The following ABCA13 variants were observed in gnomAD, a reference collection of about 807,000 sequenced individuals.
ABCA13 encodes the protein ATP-binding cassette sub-family A member 13.
In ABCA13, 476 loss-of-function variants were observed where a neutral mutation model predicts 478.7. That is an observed-to-expected ratio of 0.99 (90% CI 0.92 to 1.07). ABCA13 has a LOEUF of 1.07. Ranked by LOEUF, ABCA13 falls within the 50% of genes least tolerant of loss-of-function variation. The pLI is 0.00. For missense variants in ABCA13, 6,060 were observed against 5,910.6 expected (o/e 1.03, Z -0.83); for synonymous variants, 2,252 against 2,158.9 (o/e 1.04, Z -1.20).
chr7:48,278,508 C>A lies in ABCA13; in HGVS notation c.7314C>A (p.Phe2438Leu). Reference protein sequence around the residue: ...DTILHSPNKDFYALYPTLQEV... With the variant: ...DTILHSPNKDLYALYPTLQEV... ...TTTTACACTCTCCTAATAAGGACTT[C>A]TATGCTTTGTATCCTACCCTCCAAG... The change falls in exon 18 of 62, where the codon TTC becomes TTA. Residue 2438 changes from phenylalanine (F) to leucine (L), a missense_variant. Physicochemically the swap from Phe to Leu is conservative, Grantham distance 22. Transcript: ENST00000435803. 1 of 1,613,940 alleles carries A rather than the reference C, an allele frequency of 6.2e-7. No individual in the cohort carries two copies. Among genetic ancestry groups the A allele is most frequent in the Non-Finnish European group, 8.5e-7 (1 of 1,179,858 alleles).
intron 57 of ABCA13, among the ~76,000 whole-genome samples, chr7:48,593,677 T>C (rs1015956025): frequency 3.9e-5 from 6 of 151,994 alleles, no homozygotes; most frequent in Non-Finnish European, 8.8e-5. Flanking sequence ...ATTTTTTTTT[T>C]ATAAGACAGG....
intron 29 of ABCA13, among the ~76,000 whole-genome samples, chr7:48,349,606 T>C (rs891680164): frequency 6.6e-6 from 1 of 152,154 alleles, no homozygotes; most frequent in Non-Finnish European, 1.5e-5. Flanking sequence ...AAACCCAGAC[T>C]TAATCCAGAA....
intron 1 of ABCA13, among the ~76,000 whole-genome samples, chr7:48,189,056 C>T (rs1171817396): frequency 6.6e-6 from 1 of 152,036 alleles, no homozygotes; most frequent in Admixed American, 6.6e-5. Context: ...GGTTATTTTT[C>T]TTGAGAGGAG....
intron 48 of ABCA13, among the ~76,000 whole-genome samples, chr7:48,499,932 C>T (rs996578165): frequency 9.9e-5 from 15 of 152,258 alleles, no homozygotes; most frequent in African/African-American, 3.6e-4. Flanking sequence ...CAGAGATTGT[C>T]CATTGCAATA....
At chr7:48,462,752 G>C (rs1226924344) in intron 43 of ABCA13, among the ~76,000 whole-genome samples, 1 of 152,082 alleles carries the variant, frequency 6.6e-6, no homozygotes, top group Non-Finnish European at 1.5e-5. Context: ...TAGGTTATCT[G>C]CCGGCCTTGG....
At chr7:48,236,705 A>G (rs750623827) in intron 8 of ABCA13, among the ~76,000 whole-genome samples, 1 of 152,224 alleles carries the variant, frequency 6.6e-6, no homozygotes, top group African/African-American at 2.4e-5. Context: ...ATAATCGCCC[A>G]TCTCAAAGCC....
chr7:48,509,729 T>C (rs924327209), intron 50 of ABCA13, among the ~76,000 whole-genome samples: 3 of 152,212 alleles, frequency 2.0e-5, no homozygotes, highest in African/African-American at 7.2e-5. Flanking sequence ...GGTCCAAGGT[T>C]GCTATAGACT....
chr7:48,389,797 A>G, intron 37 of ABCA13, among the ~76,000 whole-genome samples: 1 of 152,260 alleles, frequency 6.6e-6, no homozygotes, highest in East Asian at 1.9e-4. Flanking sequence ...GGCTGGCTGT[A>G]GAAGTGGAGG....
Position 48,372,419 on chromosome 7 carries a change from G to A in ABCA13, c.11055G>A (p.Val3685=), listed in dbSNP as rs1812773836. ...CAGCGGCCCTTTGTACCAGCCTGGT[G>A]TACATGATCAGCTTTCTGCCCTACA... is the stretch of plus-strand genomic sequence containing the variant. ...ANTAALCTSL[V]YMISFLPYIV... Residue 3685 remains valine (V), a synonymous_variant, in exon 33 of 62, where the codon GTG becomes GTA. Coordinates refer to ENST00000435803, the MANE Select transcript of ABCA13 (RefSeq NM_152701.5). 1 of 1,612,918 alleles carries A rather than the reference G, an allele frequency of 6.2e-7. No homozygotes were observed. Among genetic ancestry groups the A allele is most frequent in the African/African-American group, 1.3e-5 (1 of 74,654 alleles).
intron 38 of ABCA13, among the ~76,000 whole-genome samples, chr7:48,402,695 C>G (rs2129073350): frequency 6.6e-6 from 1 of 152,300 alleles, no homozygotes; most frequent in East Asian, 1.9e-4. Context: ...CAATTCTTTG[C>G]TTGGAATTCT....
chr7:48,388,285 T>G (rs1815495356), intron 36 of ABCA13, among the ~76,000 whole-genome samples: 1 of 152,352 alleles, frequency 6.6e-6, no homozygotes, highest in African/African-American at 2.4e-5. Context: ...TGAATATGTG[T>G]AAGAAATAAA....
intron 28 of ABCA13, 146 bp downstream of exon 28, chr7:48,335,681 G>T: frequency 2.0e-6 from 1 of 500,836 alleles, no homozygotes; most frequent in East Asian, 3.3e-5. Flanking sequence ...TAAAACTAGA[G>T]ATGTGTGAAA....
Position 48,273,634 on chromosome 7 carries a change from T to A in ABCA13, c.3968T>A (p.Ile1323Asn), listed in dbSNP as rs751663150. 3.1e-6 allele frequency: 5 copies of A among 1,604,920 alleles called. No homozygotes were observed. The Admixed American group carries it at 8.5e-5, about 27-fold the overall frequency. ...AATTATGGAGAAAAATTTGAAAATA[T>A]CATCACTGAGCTAAGAGAAGCAATA... ...LTNYGEKFENIITELREAIVF... is the reference protein window; with the variant it reads ...LTNYGEKFENNITELREAIVF... Residue 1323 changes from isoleucine to asparagine, a missense_variant, in exon 17 of 62, where the codon ATC (isoleucine) becomes AAC (asparagine). Coordinates refer to ENST00000435803, the MANE Select transcript of ABCA13 (RefSeq NM_152701.5).
At chr7:48,519,611 AT>A (rs1319821660) in intron 52 of ABCA13, among the ~76,000 whole-genome samples, 49 of 152,112 alleles carry the variant, frequency 3.2e-4, no homozygotes, top group African/African-American at 1.2e-3. Context: ...ATGTTTTCTA[AT>A]TTATTTCTTT....
At chr7:48,492,895 G>A (rs1829965466) in intron 48 of ABCA13, among the ~76,000 whole-genome samples, 1 of 151,818 alleles carries the variant, frequency 6.6e-6, no homozygotes, top group Admixed American at 6.6e-5. Context: ...GCGTGTTGGT[G>A]GGCACCTGTA....
At chr7:48,419,295 T>C (rs1563224564) in intron 41 of ABCA13, among the ~76,000 whole-genome samples, 1 of 152,236 alleles carries the variant, frequency 6.6e-6, no homozygotes, top group East Asian at 1.9e-4. Flanking sequence ...TGTTTAGTAG[T>C]CACCTTTCTT....
intron 56 of ABCA13, 121 bp downstream of exon 56, chr7:48,580,495 T>C: frequency 1.2e-6 from 1 of 868,154 alleles, no homozygotes; most frequent in Non-Finnish European, 1.7e-6. Flanking sequence ...TCAGATAAAC[T>C]TACCTGCAAG....
chr7:48,473,490 C>T (rs892882536), intron 45 of ABCA13, among the ~76,000 whole-genome samples: 10 of 152,172 alleles, frequency 6.6e-5, no homozygotes, highest in African/African-American at 1.9e-4. Flanking sequence ...AAATAAATGC[C>T]GCTGAGGACC....
chr7:48,427,824 A>G lies in ABCA13; in HGVS notation c.12518A>G (p.Glu4173Gly). ...NKKSHIALGTESELQNHRPTG... is the reference protein window; with the variant it reads ...NKKSHIALGTGSELQNHRPTG... ...AAATCTCACATTGCCCTGGGGACTG[A>G]GTCAGAGCTGCAGAACCACAGGCCT... The change falls in exon 42 of 62, where the codon GAG becomes GGG. Residue 4173 changes from glutamate (E) to glycine (G), a missense_variant. By Grantham distance (98) the Glu-to-Gly change is moderately conservative. Transcript: ENST00000435803. 2.5e-6 allele frequency: 4 copies of G among 1,613,496 alleles called. No homozygotes were observed. Among genetic ancestry groups the G allele is most frequent in the Non-Finnish European group, 3.4e-6 (4 of 1,179,678 alleles).
Sources: allele counts gnomAD v4.1 joint callset (sites outside exome capture counted in the v4.1 genomes callset), GRCh38; gene constraint gnomAD v4.1.1; transcripts MANE v1.5; gene names NCBI Gene and HGNC (gene_info 2026-07-23, HGNC 2026-07-21).